The following ENTREP2 variants were observed in gnomAD, a reference collection of about 807,000 sequenced individuals.
ENTREP2 encodes endosomal transmembrane epsin interactor 2, also known as protein ENTREP2.
chr15:29,175,329 G>A, the ENTREP2 span, among the ~76,000 whole-genome samples: 1 of 152,160 alleles, frequency 6.6e-6, no homozygotes, highest in African/African-American at 2.4e-5. Context: ...TGCCGGTAAC[G>A]CTTAGCACAC....
chr15:29,657,673 C>T, the ENTREP2 span, among the ~76,000 whole-genome samples: 1 of 151,948 alleles, frequency 6.6e-6, no homozygotes, highest in Non-Finnish European at 1.5e-5. Context: ...TTACAGAGCG[C>T]CGATTGGTGC....
the ENTREP2 span, among the ~76,000 whole-genome samples, chr15:29,145,634 A>C: frequency 1.3e-5 from 2 of 150,868 alleles, no homozygotes; most frequent in East Asian, 1.9e-4. Context: ...AAAAAAAAAA[A>C]AAAAAAAAAA....
the ENTREP2 span, among the ~76,000 whole-genome samples, chr15:29,546,583 C>CTATA: frequency 5.3e-5 from 8 of 152,034 alleles, no homozygotes; most frequent in Non-Finnish European, 8.8e-5. Flanking sequence ...GAAATCTATC[C>CTATA]TATATATAAA....
the ENTREP2 span, among the ~76,000 whole-genome samples, chr15:29,225,907 C>T: frequency 2.6e-5 from 4 of 152,206 alleles, no homozygotes; most frequent in African/African-American, 9.7e-5. Context: ...CACCTCCCCA[C>T]GTCTTTCCTC....
At chr15:29,349,987 A>G in the ENTREP2 span, among the ~76,000 whole-genome samples, 5 of 152,176 alleles carry the variant, frequency 3.3e-5, no homozygotes, top group Non-Finnish European at 7.3e-5. Flanking sequence ...ACTGAAAACC[A>G]TCTTATGCCT....
the ENTREP2 span, among the ~76,000 whole-genome samples, chr15:29,507,553 C>T: frequency 6.6e-6 from 1 of 152,252 alleles, no homozygotes; most frequent in East Asian, 1.9e-4. Flanking sequence ...TCATAACGGT[C>T]ACTCAGACCA....
the ENTREP2 span, among the ~76,000 whole-genome samples, chr15:29,159,843 A>G: frequency 2.4e-4 from 36 of 152,242 alleles, no homozygotes; most frequent in Admixed American, 2.4e-3. Flanking sequence ...CCAAGTCCCC[A>G]CCAGACTCAG....
chr15:29,670,221 G>A, the ENTREP2 span, among the ~76,000 whole-genome samples: 2 of 152,160 alleles, frequency 1.3e-5, no homozygotes, highest in African/African-American at 2.4e-5. Flanking sequence ...ACAGCAGTGC[G>A]GTTGGCAGAC....
chr15:29,194,626 G>T, the ENTREP2 span, among the ~76,000 whole-genome samples: 1 of 152,160 alleles, frequency 6.6e-6, no homozygotes, highest in African/African-American at 2.4e-5. Context: ...CATACCAAGG[G>T]CTTTTCTCAC....
the ENTREP2 span, among the ~76,000 whole-genome samples, chr15:29,279,357 A>C: frequency 1.3e-5 from 2 of 151,358 alleles, no homozygotes; most frequent in African/African-American, 4.9e-5. Context: ...ATTCCTGCTA[A>C]AATTTAGTTG....
chr15:29,439,140 C>T, the ENTREP2 span, among the ~76,000 whole-genome samples: 18 of 152,108 alleles, frequency 1.2e-4, no homozygotes, highest in African/African-American at 4.1e-4. Context: ...AATACCAAGG[C>T]TTCAGACGAT....
At chr15:29,600,528 C>T in the ENTREP2 span, among the ~76,000 whole-genome samples, 2 of 152,144 alleles carry the variant, frequency 1.3e-5, no homozygotes, top group African/African-American at 4.8e-5. Flanking sequence ...CTCTCTCTCC[C>T]TTGACCTCTT....
the ENTREP2 span, chr15:29,609,923 G>A: frequency 6.6e-6 from 1 of 150,486 alleles, no homozygotes; most frequent in African/African-American, 2.4e-5. Context: ...CCACAGCCCA[G>A]GTAGACTTCT....
At chr15:29,176,289 G>T in the ENTREP2 span, among the ~76,000 whole-genome samples, 1 of 152,090 alleles carries the variant, frequency 6.6e-6, no homozygotes, top group African/African-American at 2.4e-5. Flanking sequence ...GTGGTGGGGG[G>T]GCACATTCAT....
At chr15:29,132,229 C>T in the ENTREP2 span, among the ~76,000 whole-genome samples, 3 of 152,198 alleles carry the variant, frequency 2.0e-5, no homozygotes, top group Admixed American at 6.5e-5. Flanking sequence ...GTGCTCCTTG[C>T]TGTCTAGTCA....
the ENTREP2 span, among the ~76,000 whole-genome samples, chr15:29,300,265 T>C: frequency 5.3e-5 from 7 of 132,570 alleles, no homozygotes; most frequent in African/African-American, 1.8e-4. Context: ...GATGGACGGA[T>C]GAATGGGTAG....
At chr15:29,130,179 AAAGAG>A in the ENTREP2 span, among the ~76,000 whole-genome samples, 1 of 152,178 alleles carries the variant, frequency 6.6e-6, no homozygotes, top group Non-Finnish European at 1.5e-5. Flanking sequence ...GTTCCGAGAC[AAAGAG>A]AAGACGGAGA....
At chr15:29,514,605 T>C in the ENTREP2 span, among the ~76,000 whole-genome samples, 15 of 152,192 alleles carry the variant, frequency 9.9e-5, no homozygotes, top group Non-Finnish European at 2.2e-4. Flanking sequence ...TGCCTTTCCT[T>C]TCCTCTGCAG....
chr15:29,238,377 A>T, the ENTREP2 span, among the ~76,000 whole-genome samples: 1 of 152,200 alleles, frequency 6.6e-6, no homozygotes, highest in Non-Finnish European at 1.5e-5. Flanking sequence ...TCACGCCTGT[A>T]ATCCCAGCAC....
Sources: gnomAD v4.1 joint callset for allele counts (sites outside exome capture counted in the v4.1 genomes callset) on GRCh38, gnomAD v4.1.1 for gene constraint, MANE v1.5 for transcripts, NCBI Gene and HGNC (gene_info 2026-07-23, HGNC 2026-07-21) for gene names.